The following IL6ST variants were observed in gnomAD, a reference collection of about 807,000 sequenced individuals.
The protein encoded by IL6ST is interleukin-6 receptor subunit beta.
Under a neutral mutation model 91.3 loss-of-function variants are expected in IL6ST, and 24 were observed. The ratio of observed to expected loss-of-function variants is 0.26; its 90% CI spans 0.19 to 0.37. IL6ST has a LOEUF of 0.37. Ranked by LOEUF, IL6ST falls within the 10% of genes least tolerant of loss-of-function variation. The pLI is 1.00. For synonymous variants in IL6ST, 351 were observed against 373.6 expected (o/e 0.94, Z 0.70); for missense variants, 914 against 1,078.5 (o/e 0.85, Z 2.14).
intron 14 of IL6ST, among the ~76,000 whole-genome samples, chr5:55,950,031 G>C (rs1485289243): frequency 1.3e-5 from 2 of 152,204 alleles, no homozygotes; most frequent in Non-Finnish European, 2.9e-5. Flanking sequence ...AGCATGAGGA[G>C]CTTGCAGTTG....
chr5:55,959,764 T>C (rs992005029), intron 8 of IL6ST: 3 of 497,890 alleles, frequency 6.0e-6, no homozygotes, highest in South Asian at 3.7e-5. Flanking sequence ...GTGGTTTTAA[T>C]GATTCAGGAT....
At chr5:55,975,732 C>G (rs893584513) in intron 3 of IL6ST, among the ~76,000 whole-genome samples, 94 of 152,126 alleles carry the variant, frequency 6.2e-4, no homozygotes, top group African/African-American at 2.2e-3. Flanking sequence ...TCAGCATGCA[C>G]AGGGTTAAAA....
chr5:55,956,354 G>A (rs1751973364), intron 9 of IL6ST, 119 bp from the exon 10 acceptor site: 4 of 629,304 alleles, frequency 6.4e-6, no homozygotes, highest in Admixed American at 2.9e-5. Context: ...TAACTGGAAA[G>A]GATTCACAAT....
chr5:55,970,923 CAAACA>C (rs1383273546), intron 3 of IL6ST, among the ~76,000 whole-genome samples: 2 of 151,788 alleles, frequency 1.3e-5, no homozygotes, highest in Non-Finnish European at 2.9e-5. Context: ...CAAAACAAAA[CAAACA>C]AAACAAAACA....
At chr5:55,991,592 C>T (rs899856332) in intron 1 of IL6ST, among the ~76,000 whole-genome samples, 1 of 152,066 alleles carries the variant, frequency 6.6e-6, no homozygotes, top group Admixed American at 6.5e-5. Context: ...ACTCTCTCTA[C>T]AACACAACTT....
At chr5:55,974,113 GT>G (rs1360119594) in intron 3 of IL6ST, among the ~76,000 whole-genome samples, 1 of 152,118 alleles carries the variant, frequency 6.6e-6, no homozygotes, top group African/African-American at 2.4e-5. Flanking sequence ...CTACCACATA[GT>G]TACGTAACTT....
intron 2 of IL6ST, among the ~76,000 whole-genome samples, chr5:55,979,531 A>G (rs1323876976): frequency 3.3e-5 from 5 of 152,236 alleles, no homozygotes; most frequent in African/African-American, 1.2e-4. Context: ...TGGCAAAAAT[A>G]TAAAAACCCA....
chr5:55,954,780 A>G, intron 11 of IL6ST, 30 bp downstream of exon 11: 3 of 1,519,830 alleles, frequency 2.0e-6, no homozygotes, highest in Non-Finnish European at 2.7e-6. Context: ...GAAAAAGGAT[A>G]TCAATTTAGA....
At chr5:55,991,275 C>A (rs1454775213) in intron 1 of IL6ST, among the ~76,000 whole-genome samples, 1 of 152,116 alleles carries the variant, frequency 6.6e-6, no homozygotes, top group Non-Finnish European at 1.5e-5. Flanking sequence ...GATGAATGCC[C>A]ACACACTTTT....
chr5:55,944,629 C>T lies in IL6ST; in HGVS notation c.1938-1878G>A, dbSNP rs943771228. On this transcript the variant is annotated intron_variant, in intron 15 of 16. Transcript: ENST00000381298. ...GACTGCAGTTCTCTCTCGGCCTTAG[C>T]GCCATTTTTTTGGAAACCTCGGCGC... 3.7e-5 allele frequency: 27 copies of T among 737,542 alleles called. No individual in the cohort carries two copies. In the African/African-American group the frequency reaches 4.1e-4, roughly 11 times the overall value. The allele number at this position is 737,542 out of a possible 1,614,324, so 45.7% of individuals were successfully genotyped here.
chr5:55,960,192 A>T (rs1029871995), intron 8 of IL6ST, among the ~76,000 whole-genome samples: 2 of 152,030 alleles, frequency 1.3e-5, no homozygotes, highest in Non-Finnish European at 2.9e-5. Flanking sequence ...CCTCCATGAT[A>T]ATTTAATTAG....
rs967150309 is a variant in IL6ST at position 55,935,819 on chromosome 5, CT to C, written c.*5262del. Reference sequence around the variant, plus strand: ...CTGAACAAGAAAACTCTCTCACTGCCTTTGGGCTAGAGAAAGAGTATGCTCT... The same window carrying C: ...CTGAACAAGAAAACTCTCTCACTGCCTTGGGCTAGAGAAAGAGTATGCTCT... On this transcript the variant is annotated 3_prime_UTR_variant, in exon 17 of 17. Coordinates refer to ENST00000381298, the MANE Select transcript of IL6ST (RefSeq NM_002184.4). 5 of 217,686 alleles carry C rather than the reference CT, an allele frequency of 2.3e-5. No individual in the cohort carries two copies. Among genetic ancestry groups the C allele is most frequent in the African/African-American group, 6.7e-5 (3 of 44,600 alleles). The allele number at this position is 217,686 out of a possible 1,614,324, so 13.5% of individuals were successfully genotyped here. A position where few individuals can be genotyped will look rare whatever the true frequency, so the allele number is the denominator to read the frequency against.
chr5:55,953,864 G>A (rs1389968318), intron 11 of IL6ST, among the ~76,000 whole-genome samples: 1 of 152,196 alleles, frequency 6.6e-6, no homozygotes, highest in Non-Finnish European at 1.5e-5. Context: ...GCATGTGCCT[G>A]TAGTCCCAGA....
At chr5:55,951,814 G>A (rs1175944313) in intron 13 of IL6ST, 115 bp downstream of exon 13, 2 of 766,022 alleles carry the variant, frequency 2.6e-6, no homozygotes, top group South Asian at 1.9e-5. Flanking sequence ...CAAATTCTCA[G>A]GTGTCTCCTG....
intron 15 of IL6ST, 46 bp downstream of exon 15, chr5:55,947,447 C>G (rs1390324069): frequency 9.9e-7 from 1 of 1,014,028 alleles, no homozygotes; most frequent in Non-Finnish European, 1.5e-6. Flanking sequence ...AAATTCAGCT[C>G]AATAAAGCTG....
intron 2 of IL6ST, among the ~76,000 whole-genome samples, chr5:55,979,464 G>C (rs1318342660): frequency 6.6e-6 from 1 of 152,126 alleles, no homozygotes; most frequent in Admixed American, 6.5e-5. Flanking sequence ...TTTGCAGTAT[G>C]TAACAAAAGG....
intron 7 of IL6ST, among the ~76,000 whole-genome samples, chr5:55,961,485 C>T (rs942665169): frequency 6.6e-6 from 1 of 152,090 alleles, no homozygotes; most frequent in Non-Finnish European, 1.5e-5. Context: ...CGGCTGGGTG[C>T]GGTGGCTCAC....
intron 14 of IL6ST, among the ~76,000 whole-genome samples, chr5:55,949,440 A>C (rs890676656): frequency 6.6e-6 from 1 of 152,072 alleles, no homozygotes; most frequent in African/African-American, 2.4e-5. Context: ...GCACCACTGC[A>C]CTCCAGCCTG....
At position 55,969,783 on chromosome 5, in the gene IL6ST, G is replaced by A. The variant is rs754934296; in HGVS notation, c.137C>T (p.Ala46Val). ...PVVQLHSNFT[A>V]VCVLKEKCMD... ...ACATTTTTCCTTTAGCACACAAACTGCAGTGAAATTAGAATGAAGTTGTAC... is the reference window on the plus strand; with the variant it reads ...ACATTTTTCCTTTAGCACACAAACTACAGTGAAATTAGAATGAAGTTGTAC... Residue 46 changes from alanine (A) to valine (V), a missense_variant, in exon 4 of 17, where the codon GCA becomes GTA. Ala to Val is a moderately conservative substitution (Grantham distance 64). Coordinates refer to ENST00000381298, the MANE Select transcript of IL6ST (RefSeq NM_002184.4). 8 of 1,609,906 alleles carry A rather than the reference G, an allele frequency of 5.0e-6. No homozygotes were observed. The Admixed American group carries it at 8.3e-5, about 17-fold the overall frequency.
Sources: allele counts gnomAD v4.1 joint callset (sites outside exome capture counted in the v4.1 genomes callset), GRCh38; gene constraint gnomAD v4.1.1; transcripts MANE v1.5; gene names NCBI Gene and HGNC (gene_info 2026-07-23, HGNC 2026-07-21).